GPC5: variants seen among roughly 807,000 people sequenced by gnomAD.
GPC5 encodes the protein glypican-5.
In GPC5, 47 loss-of-function variants were observed where a neutral mutation model predicts 53.9. The ratio of observed to expected loss-of-function variants is 0.87; its 90% confidence interval spans 0.69 to 1.11. The LOEUF (loss-of-function observed/expected upper bound fraction) is 1.11. GPC5 is among the 50% of genes most tolerant of loss of function. The pLI, the probability that GPC5 is intolerant of heterozygous loss-of-function variation, is 0.00. For missense variants in GPC5, 748 were observed against 713.1 expected, an observed-to-expected ratio of 1.05 and a Z score of -0.56; for synonymous variants, 286 against 263.3, an observed-to-expected ratio of 1.09 and a Z score of -0.84.
intron 5 of GPC5, among the ~76,000 whole-genome samples, chr13:91,820,423 A>G (rs933265344): frequency 3.3e-5 from 5 of 151,926 alleles, no homozygotes; most frequent in Admixed American, 2.6e-4. Context: ...CATTTAGTTT[A>G]TTTTCTATTT....
intron 6 of GPC5, among the ~76,000 whole-genome samples, chr13:92,106,259 G>T (rs189169892): frequency 1.3e-5 from 2 of 151,938 alleles, no homozygotes; most frequent in African/African-American, 4.8e-5. Flanking sequence ...AAAAAAGATG[G>T]ACCCCCAATT....
At chr13:92,800,878 C>A (rs1461870016) in intron 7 of GPC5, among the ~76,000 whole-genome samples, 2 of 151,610 alleles carry the variant, frequency 1.3e-5, no homozygotes, top group East Asian at 1.9e-4. Context: ...CGTTACTATC[C>A]TTTTAACCCT....
chr13:92,804,298 A>G (rs552373990), intron 7 of GPC5, among the ~76,000 whole-genome samples: 1 of 151,946 alleles, frequency 6.6e-6, no homozygotes, highest in Non-Finnish European at 1.5e-5. Context: ...TTTGGGAAAG[A>G]ACTCTTTCAT....
At chr13:91,405,546 T>C (rs1474235451) in intron 1 of GPC5, among the ~76,000 whole-genome samples, 1 of 152,188 alleles carries the variant, frequency 6.6e-6, no homozygotes, top group East Asian at 1.9e-4. Context: ...GTTACACCAC[T>C]TATTATGGTG....
intron 7 of GPC5, among the ~76,000 whole-genome samples, chr13:92,273,032 C>A (rs2148520): frequency 0.13 from 19,756 of 152,060 alleles, 1,520 homozygotes; most frequent in African/African-American, 0.22. Flanking sequence ...GGAGAGGTGA[C>A]ACCACCAAAT....
At chr13:92,543,103 T>C (rs1213816543) in intron 7 of GPC5, among the ~76,000 whole-genome samples, 2 of 152,064 alleles carry the variant, frequency 1.3e-5, no homozygotes. Context: ...CTTCTGCAAC[T>C]CCTGTAATAC....
chr13:92,643,982 A>G (rs1885680313), intron 7 of GPC5, among the ~76,000 whole-genome samples: 1 of 152,242 alleles, frequency 6.6e-6, no homozygotes, highest in Non-Finnish European at 1.5e-5. Flanking sequence ...AATTAGCAAA[A>G]GAAACCTACA....
At chr13:92,743,759 C>A (rs1468398120) in intron 7 of GPC5, among the ~76,000 whole-genome samples, 1 of 152,080 alleles carries the variant, frequency 6.6e-6, no homozygotes, top group Non-Finnish European at 1.5e-5. Flanking sequence ...ATATTCGTCC[C>A]ATCAATACCT....
chr13:91,796,181 C>T (rs193053645), intron 5 of GPC5, among the ~76,000 whole-genome samples: 212 of 152,206 alleles, frequency 1.4e-3, no homozygotes, highest in African/African-American at 5.0e-3. Flanking sequence ...GGAAAGGAAC[C>T]GTGGAACCCA....
chr13:91,492,145 T>C (rs1883974612), intron 2 of GPC5, among the ~76,000 whole-genome samples: 1 of 152,230 alleles, frequency 6.6e-6, no homozygotes, highest in Non-Finnish European at 1.5e-5. Flanking sequence ...CCTTTTTTGT[T>C]ACTTGAAAAT....
chr13:92,301,015 G>A (rs1473951544), intron 7 of GPC5, among the ~76,000 whole-genome samples: 1 of 152,170 alleles, frequency 6.6e-6, no homozygotes, highest in Admixed American at 6.5e-5. Context: ...CAGAAAGTTT[G>A]CTGTTCTCCT....
intron 7 of GPC5, chr13:92,241,300 G>A (rs957456138): frequency 6.6e-6 from 1 of 152,098 alleles, no homozygotes; most frequent in African/African-American, 2.4e-5. Flanking sequence ...GGGAGAGAAG[G>A]GCAAAAGAAA....
At chr13:92,509,969 G>C (rs1388733136) in intron 7 of GPC5, 1 of 152,096 alleles carries the variant, frequency 6.6e-6, no homozygotes, top group Admixed American at 6.6e-5. Flanking sequence ...TACTCTAAAT[G>C]TTGTAAGCTT....
intron 7 of GPC5, among the ~76,000 whole-genome samples, chr13:92,164,396 A>T (rs1370532122): frequency 6.6e-6 from 1 of 152,208 alleles, no homozygotes; most frequent in Non-Finnish European, 1.5e-5. Context: ...GGCCAAAATG[A>T]AGGGGCTGCA....
intron 5 of GPC5, among the ~76,000 whole-genome samples, chr13:91,838,862 G>A (rs2038752534): frequency 6.6e-6 from 1 of 152,038 alleles, no homozygotes; most frequent in Admixed American, 6.6e-5. Flanking sequence ...AAATACTAGT[G>A]TATGTTTCAT....
intron 6 of GPC5, among the ~76,000 whole-genome samples, chr13:92,137,895 A>G (rs1373439880): frequency 6.6e-6 from 1 of 152,100 alleles, no homozygotes; most frequent in African/African-American, 2.4e-5. Flanking sequence ...ATTTTATCAA[A>G]CCCTAATGTA....
rs1414336883 is a variant in GPC5, at chr13:92,690,299, C to T, written c.1562-175983C>T. ...TCTTTTTTCTCTAAACTTCCCTTCT[C>T]GCTTCATTTCATTCATTTCATCTTC... On this transcript the variant is annotated intron_variant, in intron 7 of 7. Coordinates refer to ENST00000377067, the MANE Select transcript of GPC5 (RefSeq NM_004466.6). Among the ~76,000 whole-genome samples the T allele has an allele frequency of 3.6e-5, 3 of 83,158 alleles. 1 individual carries two copies. Among genetic ancestry groups the T allele is most frequent in the Admixed American group, 3.4e-4 (2 of 5,830 alleles). The allele number at this position is 83,158 out of a possible 152,430, so 54.6% of individuals were successfully genotyped here. A position where few individuals can be genotyped will look rare whatever the true frequency, so the allele number is the denominator to read the frequency against.
At chr13:92,693,624 G>A (rs781017434) in intron 7 of GPC5, among the ~76,000 whole-genome samples, 19 of 152,142 alleles carry the variant, frequency 1.2e-4, no homozygotes, top group Non-Finnish European at 1.5e-4. Flanking sequence ...GTATTCAAGC[G>A]GTGACCTGGC....
At chr13:92,791,337 T>G (rs1037797591) in intron 7 of GPC5, among the ~76,000 whole-genome samples, 10 of 151,614 alleles carry the variant, frequency 6.6e-5, no homozygotes, top group African/African-American at 2.2e-4. Context: ...CCAAGAGGTA[T>G]TGACACACTC....
Sources: gnomAD v4.1 joint callset for allele counts (sites outside exome capture counted in the v4.1 genomes callset) on GRCh38, gnomAD v4.1.1 for gene constraint, MANE v1.5 for transcripts, NCBI Gene and HGNC (gene_info 2026-07-23, HGNC 2026-07-21) for gene names.